Variants in EVI5L observed in about 807,000 individuals in gnomAD.
EVI5L encodes EVI5-like protein.
A neutral mutation model predicts 106.1 loss-of-function variants in EVI5L; 30 were observed. The ratio of observed to expected loss-of-function variants is 0.28; its 90% CI spans 0.21 to 0.38. EVI5L has a LOEUF of 0.38. EVI5L is among the 10% of genes least tolerant of loss of function. EVI5L has a pLI of 1.00. For synonymous variants in EVI5L, 489 were observed against 483.3 expected (o/e 1.01, Z -0.15); for missense variants, 809 against 1,098.0 (o/e 0.74, Z 3.72).
chr19:7,863,172 G>C lies in EVI5L; in HGVS notation c.2044-13G>C. On this transcript the variant is annotated splice_polypyrimidine_tract_variant and intron_variant, in intron 18 of 19. Transcript: ENST00000538904. This position sits in a 1 kb window ranked among gnomAD's most constrained non-coding sequence, Gnocchi z 7.7. ...CATGGCACTGGCCCCGCGTGACCTG[G>C]CGCACCCCGCAGAGGGAGGAAGGCC... The C allele has an allele frequency of 3.9e-6, 6 of 1,551,624 alleles. No homozygotes were observed. The highest frequency in any genetic ancestry group is 1.7e-4 in the Middle Eastern group (1 of 5,858).
At chr19:7,838,170 G>A (rs1978436416) in intron 1 of EVI5L, among the ~76,000 whole-genome samples, 1 of 151,392 alleles carries the variant, frequency 6.6e-6, no homozygotes, top group Non-Finnish European at 1.5e-5. Context: ...GTGCAGTCGT[G>A]CAATCTCGGC....
Position 7,849,101 on chromosome 19 carries a change from G to T in EVI5L, c.508G>T (p.Gly170Cys). The change falls in exon 4 of 20, where the codon GGC (glycine) becomes TGC (cysteine). Residue 170 changes from glycine to cysteine, a missense_variant. Around this residue, in one of 2 missense-constraint regions of EVI5L, gnomAD observed 357 missense variants for 588.1 expected, o/e 0.61. Transcript: ENST00000538904. ...CTACCCGGAACATGAGTTCTTCAAG[G>T]GCCAGGACAGCCTGGGCCAGGAGGT... ...RTYPEHEFFK[G>C]QDSLGQEVLF... 1 of 1,610,000 alleles carries T rather than the reference G, an allele frequency of 6.2e-7. No homozygotes were observed. The highest frequency in any genetic ancestry group is 2.2e-5 in the East Asian group (1 of 44,714).
In EVI5L at chr19:7,841,445, C is replaced by T. The variant is rs565881920; in HGVS notation, c.-47-5051C>T. Among the ~76,000 whole-genome samples, 101 of 152,036 alleles carry T rather than the reference C, an allele frequency of 6.6e-4. 2 individuals carry two copies. In the Middle Eastern group the frequency reaches 0.037, roughly 56 times the overall value. On this transcript the variant is annotated intron_variant, in intron 1 of 19. Coordinates refer to ENST00000538904, the MANE Select transcript of EVI5L (RefSeq NM_001159944.3). ...GGGGCTTAGGGAAGGAGGAAGCATGCGCGGCAGTGCCCCCGAGAGGGAAAG... is the reference window on the plus strand; with the variant it reads ...GGGGCTTAGGGAAGGAGGAAGCATGTGCGGCAGTGCCCCCGAGAGGGAAAG...
At position 7,862,029 on chromosome 19, in the gene EVI5L, G is replaced by A. The variant is rs1238732216; in HGVS notation, c.1644+11G>A. 4 of 1,542,152 alleles carry A rather than the reference G, an allele frequency of 2.6e-6. No individual in the cohort carries two copies. On this transcript the variant is annotated intron_variant, in intron 15 of 19. Coordinates refer to ENST00000538904, the MANE Select transcript of EVI5L (RefSeq NM_001159944.3). Reference sequence around the variant, plus strand: ...TCGGACACCTGGCAGGTGAGGGCCGGGTGGGCGCCGGCGGGCAGAGCGCCC... The same window carrying A: ...TCGGACACCTGGCAGGTGAGGGCCGAGTGGGCGCCGGCGGGCAGAGCGCCC...
intron 1 of EVI5L, among the ~76,000 whole-genome samples, chr19:7,831,119 C>A (rs1384104002): frequency 6.6e-6 from 1 of 151,316 alleles, no homozygotes; most frequent in Non-Finnish European, 1.5e-5. Flanking sequence ...CCATCTGGAT[C>A]CTGGCTCCTG....
chr19:7,846,541 C>T lies in EVI5L; in HGVS notation c.-2C>T. 6.2e-7 allele frequency: 1 copy of T among 1,606,760 alleles called. No individual in the cohort carries two copies. Among genetic ancestry groups the T allele is most frequent in the Non-Finnish European group, 8.5e-7 (1 of 1,177,342 alleles). On this transcript the variant is annotated 5_prime_UTR_variant, in exon 2 of 20. Transcript: ENST00000538904. ...CGCTCACGGCTAACAAGCCCACCCA[C>T]CATGGCGAGCCCCACTCTGAGCCCC...
chr19:7,831,411 C>T (rs1243143700), intron 1 of EVI5L, among the ~76,000 whole-genome samples: 1 of 151,816 alleles, frequency 6.6e-6, no homozygotes, highest in African/African-American at 2.4e-5. Context: ...CTCCCAGAGT[C>T]CCCGACAGCT....
chr19:7,839,568 G>C (rs547069131), intron 1 of EVI5L, among the ~76,000 whole-genome samples: 1 of 152,276 alleles, frequency 6.6e-6, no homozygotes, highest in Middle Eastern at 3.4e-3. Context: ...TGGTTCTGGT[G>C]GCCCCATGGA....
chr19:7,852,935 G>A, intron 8 of EVI5L, 151 bp from the exon 9 acceptor site: 1 of 706,448 alleles, frequency 1.4e-6, no homozygotes, highest in Non-Finnish European at 2.4e-6. Flanking sequence ...TCTTTCCATT[G>A]CTCCACAAAC....
In EVI5L at chr19:7,856,687, T is replaced by C. The variant is rs1177033847; in HGVS notation, c.1201-405T>C. 1.8e-4 allele frequency among the ~76,000 whole-genome samples: 27 copies of C among 152,116 alleles called. No homozygotes were observed. The highest frequency in any genetic ancestry group is 2.9e-5 in the Non-Finnish European group (2 of 68,018). ...TTGCCCTCACCCCAAAGCCTTGTTC[T>C]GCCTTAAAATTACAACGCACCCCCT... On this transcript the variant is annotated intron_variant, in intron 11 of 19. Coordinates refer to ENST00000538904, the MANE Select transcript of EVI5L (RefSeq NM_001159944.3). The surrounding 1 kb of genome is among the most constrained non-coding windows in gnomAD (Gnocchi z 6.6).
At chr19:7,833,335 C>T (rs1978302453) in intron 1 of EVI5L, among the ~76,000 whole-genome samples, 1 of 152,252 alleles carries the variant, frequency 6.6e-6, no homozygotes, top group Non-Finnish European at 1.5e-5. Context: ...TGGCATGCGG[C>T]GGCCCCCGCC....
intron 14 of EVI5L, 73 bp from the exon 15 acceptor site, chr19:7,861,805 G>T: frequency 3.3e-6 from 5 of 1,527,994 alleles, no homozygotes; most frequent in Non-Finnish European, 4.4e-6. Flanking sequence ...AACGTGGCTG[G>T]GGGCGTTTGT....
intron 5 of EVI5L, 91 bp from the exon 6 acceptor site, chr19:7,849,906 T>C (rs1979150325): frequency 9.7e-7 from 1 of 1,030,012 alleles, no homozygotes; most frequent in African/African-American, 1.6e-5. Context: ...GACATGGACA[T>C]GGGCCCCTGT....
intron 1 of EVI5L, among the ~76,000 whole-genome samples, chr19:7,842,609 T>C (rs1459589252): frequency 6.6e-6 from 1 of 151,790 alleles, no homozygotes; most frequent in East Asian, 1.9e-4. Context: ...TGCATGGGTG[T>C]GTATCAAGTG....
rs1044892070 is a variant in EVI5L, at chr19:7,835,954, G to C, written c.-48+5573G>C. 6.6e-6 allele frequency among the ~76,000 whole-genome samples: 1 copy of C among 151,962 alleles called. No homozygotes were observed. Among genetic ancestry groups the C allele is most frequent in the African/African-American group, 2.4e-5 (1 of 41,386 alleles). On this transcript the variant is annotated intron_variant, in intron 1 of 19. Transcript: ENST00000538904. This position sits in a 1 kb window ranked among gnomAD's most constrained non-coding sequence, Gnocchi z 4.1. ...ATGGAGGAATCAGAAATGGGGGGTA[G>C]GGCCGGGCGTGGTGGCTCACACCTG...
chr19:7,858,387 CG>C lies in EVI5L; in HGVS notation c.1374+57del. 6.7e-7 allele frequency: 1 copy of C among 1,492,404 alleles called. No individual in the cohort carries two copies. The highest frequency in any genetic ancestry group is 8.9e-7 in the Non-Finnish European group (1 of 1,125,650). 92.4% of individuals were successfully genotyped at this position (1,492,404 alleles called of 1,614,324 possible). On this transcript the variant is annotated intron_variant, in intron 13 of 19. Coordinates refer to ENST00000538904, the MANE Select transcript of EVI5L (RefSeq NM_001159944.3). This position sits in a 1 kb window ranked among gnomAD's most constrained non-coding sequence, Gnocchi z 5.7. The stretch of plus-strand genomic sequence containing the variant: ...GGGCCATGACCCGCGCCCCCGCCCC[CG>C]CCCAACGGTTTTCTTTCAGGGCTCA...
intron 5 of EVI5L, 41 bp downstream of exon 5, chr19:7,849,371 G>T: frequency 6.2e-7 from 1 of 1,608,148 alleles, no homozygotes; most frequent in Non-Finnish European, 8.5e-7. Flanking sequence ...CCAGACAACA[G>T]CCCACCCTGG....
intron 7 of EVI5L, 27 bp from the exon 8 acceptor site, chr19:7,851,654 C>T (rs1312586938): frequency 5.0e-6 from 8 of 1,587,246 alleles, no homozygotes; most frequent in Non-Finnish European, 6.8e-6. Flanking sequence ...TGCCCTCCAC[C>T]TCCCACTGCC....
At chr19:7,855,165 G>A (rs1325542270) in intron 10 of EVI5L, among the ~76,000 whole-genome samples, 5 of 142,898 alleles carry the variant, frequency 3.5e-5, no homozygotes, top group African/African-American at 7.9e-5. Context: ...CACCCAGGCT[G>A]CAGTGCAGTG....
Sources: gnomAD v4.1 joint callset for allele counts (sites outside exome capture counted in the v4.1 genomes callset) on GRCh38, gnomAD v4.1.1 for gene constraint, gnomAD v4.1.1 regional missense constraint, Gnocchi (gnomAD v3.1) non-coding constraint, MANE v1.5 for transcripts, NCBI Gene and HGNC (gene_info 2026-07-23, HGNC 2026-07-21) for gene names.